Variants in CPB1 observed in about 807,000 individuals in gnomAD.
CPB1 encodes carboxypeptidase B.
In CPB1, 53 loss-of-function variants were observed where a neutral mutation model predicts 51.4. The observed-to-expected ratio is 1.03, with a 90% confidence interval of 0.83 to 1.30. CPB1 has a LOEUF of 1.30. CPB1 is among the 50% of genes most tolerant of loss of function. The pLI, the probability that CPB1 is intolerant of heterozygous loss-of-function variation, is 0.00. For missense variants in CPB1, 494 were observed against 516.2 expected (o/e 0.96, Z 0.42); for synonymous variants, 189 against 186.9 (o/e 1.01, Z -0.09).
At chr3:148,841,695 C>A in intron 5 of CPB1, 128 bp from the exon 6 acceptor site, 5 of 631,376 alleles carry the variant, frequency 7.9e-6, no homozygotes, top group South Asian at 2.2e-5. Flanking sequence ...TTAATTTAAT[C>A]ATGGGATCCA....
chr3:148,829,074 A>G (rs921631937), intron 2 of CPB1, among the ~76,000 whole-genome samples: 1 of 152,098 alleles, frequency 6.6e-6, no homozygotes, highest in Non-Finnish European at 1.5e-5. Context: ...AATCATTCCA[A>G]CTGTTTTCTT....
intron 9 of CPB1, among the ~76,000 whole-genome samples, chr3:148,853,824 T>C (rs974700242): frequency 2.6e-5 from 4 of 152,202 alleles, no homozygotes; most frequent in Non-Finnish European, 5.9e-5. Context: ...CTTGAGCAAG[T>C]TCTTTTATCC....
chr3:148,857,452 T>C lies in CPB1; in HGVS notation c.982-5T>C, dbSNP rs371649016. 2.5e-6 allele frequency: 4 copies of C among 1,612,472 alleles called. No individual in the cohort carries two copies. Among genetic ancestry groups the C allele is most frequent in the Non-Finnish European group, 3.4e-6 (4 of 1,178,696 alleles). On this transcript the variant is annotated splice_region_variant and splice_polypyrimidine_tract_variant and intron_variant, in intron 9 of 10. Coordinates refer to ENST00000282957, the MANE Select transcript of CPB1 (RefSeq NM_001871.3). The stretch of plus-strand genomic sequence containing the variant: ...TTTCCTTACTTATTCCTGTTTCTTT[T>C]GCAGAATGCCCTGGCTAAAGCTACT...
At chr3:148,831,649 T>A (rs1712741406) in intron 2 of CPB1, among the ~76,000 whole-genome samples, 1 of 152,198 alleles carries the variant, frequency 6.6e-6, no homozygotes, top group African/African-American at 2.4e-5. Flanking sequence ...ATTGATATTC[T>A]TATAATGCTA....
intron 2 of CPB1, among the ~76,000 whole-genome samples, chr3:148,829,537 T>C (rs11928597): frequency 0.082 from 12,474 of 152,260 alleles, 1,027 homozygotes; most frequent in African/African-American, 0.21. Context: ...AATTGACTTT[T>C]TTCACCTAAA....
intron 9 of CPB1, chr3:148,857,062 G>GTTTTTTTGTTTTTTTGTTT (rs750155151): frequency 4.2e-5 from 2 of 48,180 alleles, no homozygotes; most frequent in Admixed American, 2.1e-4. Flanking sequence ...ATTGCCAAGT[G>GTTTTTTTGTTTTTTTGTTT]TTTTTTTTTT....
At chr3:148,846,816 T>C (rs1478446479) in intron 9 of CPB1, among the ~76,000 whole-genome samples, 2 of 102,832 alleles carry the variant, frequency 1.9e-5, no homozygotes, top group African/African-American at 8.1e-5. Context: ...TATATATATA[T>C]ATATATATAT....
intron 3 of CPB1, among the ~76,000 whole-genome samples, chr3:148,836,024 T>TA (rs1318885307): frequency 6.6e-6 from 1 of 152,058 alleles, no homozygotes; most frequent in Non-Finnish European, 1.5e-5. Context: ...TTCTTATCCA[T>TA]AAAATGAAGA....
At chr3:148,858,680 T>A (rs1412773801) in intron 10 of CPB1, among the ~76,000 whole-genome samples, 1 of 152,098 alleles carries the variant, frequency 6.6e-6, no homozygotes, top group East Asian at 1.9e-4. Flanking sequence ...TCCCTCTAAT[T>A]AGACACTCAG....
rs1576571022 is a variant in CPB1, at chr3:148,844,843, C to A, written c.778+76C>A. On this transcript the variant is annotated intron_variant, in intron 8 of 10. Coordinates refer to ENST00000282957, the MANE Select transcript of CPB1 (RefSeq NM_001871.3). ...GAAAAATATGAAAACACAACAGTAT[C>A]TAAAATAAAAAAAGCAAGTTTTATA... The A allele has an allele frequency of 1.2e-5, 15 of 1,263,910 alleles. No homozygotes were observed. The South Asian group carries it at 1.6e-4, about 13-fold the overall frequency. The allele number at this position is 1,263,910 out of a possible 1,614,324, so 78.3% of individuals were successfully genotyped here. A position where few individuals can be genotyped will look rare whatever the true frequency, so the allele number is the denominator to read the frequency against.
chr3:148,835,969 C>T (rs938075177), intron 3 of CPB1, among the ~76,000 whole-genome samples: 5 of 152,134 alleles, frequency 3.3e-5, no homozygotes, highest in African/African-American at 1.2e-4. Context: ...TTGCACATTG[C>T]TGTGTGATTG....
intron 2 of CPB1, among the ~76,000 whole-genome samples, chr3:148,833,070 T>G (rs1017898913): frequency 6.6e-6 from 1 of 152,174 alleles, no homozygotes; most frequent in Non-Finnish European, 1.5e-5. Flanking sequence ...TGCCCTTCTC[T>G]CCACAATGTT....
At chr3:148,844,839 G>T in intron 8 of CPB1, 72 bp downstream of exon 8, 1 of 1,289,704 alleles carries the variant, frequency 7.8e-7, no homozygotes, top group Non-Finnish European at 1.1e-6. Context: ...AAACACAACA[G>T]TATCTAAAAT....
Position 148,845,569 on chromosome 3 carries a change from A to G in CPB1, c.924A>G (p.Gln308=), listed in dbSNP as rs562228830. 491 of 1,613,946 alleles carry G rather than the reference A, an allele frequency of 3.0e-4. 7 individuals are homozygous for G. The South Asian group carries it at 5.0e-3, about 16-fold the overall frequency. The change falls in exon 9 of 11, where the codon CAA becomes CAG. Residue 308 remains glutamine, a synonymous_variant. Coordinates refer to ENST00000282957, the MANE Select transcript of CPB1 (RefSeq NM_001871.3). ...KAYLTIHSYS[Q]MMIYPYSYAY... ...ATCTGACAATCCACTCGTACTCCCAAATGATGATCTACCCTTACTCATATG... is the reference window on the plus strand; with the variant it reads ...ATCTGACAATCCACTCGTACTCCCAGATGATGATCTACCCTTACTCATATG...
In CPB1 at chr3:148,841,919, A is replaced by G. The variant is rs375559471; in HGVS notation, c.571A>G (p.Arg191Gly). 37 of 1,610,782 alleles carry G rather than the reference A, an allele frequency of 2.3e-5. No homozygotes were observed. Among genetic ancestry groups the G allele is most frequent in the African/African-American group, 2.3e-4 (17 of 74,986 alleles). ...ISPAFCQWFVREAVRTYGREI... is the reference protein window; with the variant it reads ...ISPAFCQWFVGEAVRTYGREI... ...TCCTGCATTCTGCCAGTGGTTTGTA[A>G]GAGAGGTCAGTGTGTAGAGTGGTTT... is the stretch of plus-strand genomic sequence containing the variant. The change falls in exon 6 of 11, where the codon AGA becomes GGA. Residue 191 changes from arginine to glycine, a missense_variant. Coordinates refer to ENST00000282957, the MANE Select transcript of CPB1 (RefSeq NM_001871.3).
chr3:148,849,039 G>T (rs1352368024), intron 9 of CPB1, among the ~76,000 whole-genome samples: 1 of 66 alleles, frequency 0.015, no homozygotes, highest in Non-Finnish European at 0.023. Flanking sequence ...TTTTTTTTGA[G>T]ACGGAGTCTC....
At chr3:148,841,121 C>T (rs2108014963) in intron 5 of CPB1, 146 bp downstream of exon 5, 1 of 591,034 alleles carries the variant, frequency 1.7e-6, no homozygotes, top group East Asian at 2.8e-5. Context: ...ACCAGATTCC[C>T]CAGCTTCTTT....
chr3:148,858,523 G>C (rs1367990926), intron 10 of CPB1, among the ~76,000 whole-genome samples: 1 of 151,904 alleles, frequency 6.6e-6, no homozygotes, highest in Non-Finnish European at 1.5e-5. Context: ...AGTGATCTGA[G>C]ATCCTGCCAC....
chr3:148,843,800 G>A (rs1319108463), intron 6 of CPB1, among the ~76,000 whole-genome samples: 2 of 152,108 alleles, frequency 1.3e-5, no homozygotes, highest in African/African-American at 4.8e-5. Flanking sequence ...TGGGCATGAT[G>A]TCCCTCATTC....
Sources: allele counts gnomAD v4.1 joint callset (sites outside exome capture counted in the v4.1 genomes callset), GRCh38; gene constraint gnomAD v4.1.1; transcripts MANE v1.5; gene names NCBI Gene and HGNC (gene_info 2026-07-23, HGNC 2026-07-21).